Variants in UTP20 observed in about 807,000 individuals in gnomAD.
UTP20 encodes UTP20 small subunit processome component.
A neutral mutation model predicts 329.5 loss-of-function variants in UTP20; 164 were observed. That is an observed-to-expected ratio of 0.50 (90% CI 0.44 to 0.57). The LOEUF is 0.57. UTP20 is among the 20% of genes least tolerant of loss of function. The probability of loss-of-function intolerance (pLI) is 0.00; values close to 1 mark genes in which losing one functional copy is unlikely to be tolerated. For missense variants in UTP20, 3,055 were observed against 3,284.2 expected (o/e 0.93, Z 1.71); for synonymous variants, 1,151 against 1,159.3 (o/e 0.99, Z 0.14).
Position 101,333,437 on chromosome 12 carries a change from G to C in UTP20, c.3554G>C (p.Trp1185Ser), listed in dbSNP as rs746778315. 6.2e-7 allele frequency: 1 copy of C among 1,612,938 alleles called. No individual in the cohort carries two copies. Among genetic ancestry groups the C allele is most frequent in the South Asian group, 1.1e-5 (1 of 90,714 alleles). The stretch of plus-strand genomic sequence containing the variant: ...GATGCTGTGTTTCATGGTGCAGTTT[G>C]GCCCCAGGTAAACCTCAATTTCTAC... ...EIDAVFHGAV[W>S]PQISRLGSES... Residue 1185 changes from tryptophan to serine, a missense_variant, in exon 28 of 62, where the codon TGG (tryptophan) becomes TCG (serine). Trp to Ser is a radical substitution (Grantham distance 177). Around this residue, in one of 3 missense-constraint regions of UTP20, gnomAD observed 2,445 missense variants for 2,575.5 expected, o/e 0.95. Transcript: ENST00000261637.
intron 25 of UTP20, among the ~76,000 whole-genome samples, chr12:101,324,028 T>C (rs1868467775): frequency 6.6e-6 from 1 of 151,796 alleles, no homozygotes; most frequent in African/African-American, 2.4e-5. Context: ...TCCCAGCGAT[T>C]TGGGAGGCTG....
intron 9 of UTP20, 29 bp downstream of exon 9, chr12:101,291,917 G>A (rs781670650): frequency 3.1e-6 from 5 of 1,607,552 alleles, no homozygotes; most frequent in Non-Finnish European, 2.5e-6. Flanking sequence ...ATGCTCGAGA[G>A]TCTGGTTTTT....
At chr12:101,368,060 G>A (rs1870155924) in intron 48 of UTP20, 84 bp downstream of exon 48, 1 of 990,654 alleles carries the variant, frequency 1.0e-6, no homozygotes, top group African/African-American at 1.6e-5. Context: ...GGTTGTATTT[G>A]GGCTCAAGCT....
chr12:101,376,405 A>G (rs377573911), intron 56 of UTP20, among the ~76,000 whole-genome samples: 11 of 152,204 alleles, frequency 7.2e-5, no homozygotes, highest in Non-Finnish European at 1.3e-4. Context: ...TTTGAACTTC[A>G]TAACAGTATA....
chr12:101,328,894 A>T (rs1275388430), intron 26 of UTP20, among the ~76,000 whole-genome samples: 1 of 151,542 alleles, frequency 6.6e-6, no homozygotes, highest in Non-Finnish European at 1.5e-5. Context: ...AAATTACCAG[A>T]TGGAATAAGA....
chr12:101,312,014 A>G lies in UTP20; in HGVS notation c.2312-22A>G, dbSNP rs978804913. On this transcript the variant is annotated intron_variant, in intron 20 of 61. Transcript: ENST00000261637. The stretch of plus-strand genomic sequence containing the variant: ...AAATGTTGATATTTGTCTGGTGGTT[A>G]TGACAACTTTCTTTCTTGCAGAGAA... The G allele has an allele frequency of 1.9e-6, 3 of 1,613,658 alleles. No individual in the cohort carries two copies. The African/African-American group carries it at 4.0e-5, about 22-fold the overall frequency.
Position 101,290,804 on chromosome 12 carries a change from T to C in UTP20, c.807T>C (p.Ile269=). 4.3e-6 allele frequency: 7 copies of C among 1,613,990 alleles called. No homozygotes were observed. The highest frequency in any genetic ancestry group is 1.1e-5 in the South Asian group (1 of 91,048). The change falls in exon 8 of 62, where the codon ATT becomes ATC. Residue 269 remains isoleucine (I), a synonymous_variant. Transcript: ENST00000261637. Reference sequence around the variant, plus strand: ...AAACTCAACTACCATGGATGTTAATTGGAGAAACACTCAAAAACATGGTCA... The same window carrying C: ...AAACTCAACTACCATGGATGTTAATCGGAGAAACACTCAAAAACATGGTCA... ...ETETQLPWML[I]GETLKNMVKS...
intron 8 of UTP20, chr12:101,291,538 C>G: frequency 3.6e-6 from 1 of 280,404 alleles, no homozygotes; most frequent in South Asian, 1.3e-4. Flanking sequence ...GAAACTCCAT[C>G]TCAAAAAAAA....
At position 101,331,988 on chromosome 12, in the gene UTP20, G is replaced by A. The variant is rs1868775376; in HGVS notation, c.3418-1313G>A. Among the ~76,000 whole-genome samples the A allele has an allele frequency of 2.0e-5, 3 of 151,724 alleles. No homozygotes were observed. The South Asian group carries it at 6.2e-4, about 32-fold the overall frequency. ...GCTCTTCATTCTTTAATACCCAGTAGAAATCTGCCTATTCCATGAAGCTCT... is the reference window on the plus strand; with the variant it reads ...GCTCTTCATTCTTTAATACCCAGTAAAAATCTGCCTATTCCATGAAGCTCT... On this transcript the variant is annotated intron_variant, in intron 27 of 61. Coordinates refer to ENST00000261637, the MANE Select transcript of UTP20 (RefSeq NM_014503.3).
intron 29 of UTP20, among the ~76,000 whole-genome samples, chr12:101,336,562 C>A (rs985994077): frequency 2.6e-5 from 4 of 152,148 alleles, no homozygotes; most frequent in Non-Finnish European, 2.9e-5. Flanking sequence ...CTGTCCCAGA[C>A]CCCTCTCTTA....
intron 53 of UTP20, 34 bp downstream of exon 53, chr12:101,373,504 C>G (rs986751609): frequency 6.2e-7 from 1 of 1,613,990 alleles, no homozygotes; most frequent in Non-Finnish European, 8.5e-7. Flanking sequence ...CCCGTGACTC[C>G]TGGAAGTCCT....
At chr12:101,311,904 T>C (rs1437733584) in intron 20 of UTP20, 106 bp downstream of exon 20, 2 of 1,552,614 alleles carry the variant, frequency 1.3e-6, no homozygotes, top group East Asian at 2.3e-5. Flanking sequence ...ATGAAACATA[T>C]ATTATCATGA....
intron 38 of UTP20, among the ~76,000 whole-genome samples, 184 bp downstream of exon 38, chr12:101,346,772 A>T (rs1032078697): frequency 6.6e-6 from 1 of 152,176 alleles, no homozygotes; most frequent in Admixed American, 6.5e-5. Context: ...GGTGGCTATT[A>T]TTTGTGTTTT....
Position 101,291,986 on chromosome 12 carries a change from T to C in UTP20, c.1055T>C (p.Leu352Pro), listed in dbSNP as rs751829217. 2.5e-6 allele frequency: 4 copies of C among 1,613,366 alleles called. No homozygotes were observed. In the South Asian group the frequency reaches 3.3e-5, roughly 13 times the overall value. The part of the protein sequence containing the change: ...ADVCKVLSQT[L>P]QVASLSTSCW... ...TTTTTGCAGGTGTTATCTCAAACAC[T>C]GCAAGTAGCCAGTCTCTCCACATCT... Residue 352 changes from leucine (L) to proline (P), a missense_variant, in exon 10 of 62, where the codon CTG (leucine) becomes CCG (proline). Coordinates refer to ENST00000261637, the MANE Select transcript of UTP20 (RefSeq NM_014503.3).
At chr12:101,340,920 G>A in intron 32 of UTP20, among the ~76,000 whole-genome samples, 1 of 126,440 alleles carries the variant, frequency 7.9e-6, no homozygotes, top group Non-Finnish European at 1.7e-5. Flanking sequence ...TGGAACCCAA[G>A]AAGTGCATTG....
chr12:101,366,513 G>A (rs1870098652), intron 46 of UTP20, 45 bp from the exon 47 acceptor site: 2 of 1,571,456 alleles, frequency 1.3e-6, no homozygotes, highest in Non-Finnish European at 1.7e-6. Context: ...TTGGAATGCA[G>A]CTGACAGTGT....
chr12:101,324,217 C>CATTTATTTATTTATTTATTTATTTATTT (rs200869541), intron 25 of UTP20, among the ~76,000 whole-genome samples: 2 of 146,498 alleles, frequency 1.4e-5, no homozygotes, highest in East Asian at 2.0e-4. Flanking sequence ...TTGAGAGCCA[C>CATTTATTTATTTATTTATTTATTTATTT]ATTTATTTAT....
chr12:101,315,693 C>CT (rs1425080234), intron 21 of UTP20, among the ~76,000 whole-genome samples: 15 of 151,980 alleles, frequency 9.9e-5, no homozygotes, highest in Non-Finnish European at 1.5e-4. Flanking sequence ...TGATGTTTAG[C>CT]TTTTTTTGCT....
At position 101,288,883 on chromosome 12, in the gene UTP20, C is replaced by T. The variant is rs528538363; in HGVS notation, c.516-77C>T. The T allele has an allele frequency of 7.2e-5, 93 of 1,289,078 alleles. No individual in the cohort carries two copies. In the East Asian group the frequency reaches 2.2e-3, roughly 31 times the overall value. 79.9% of individuals were successfully genotyped at this position (1,289,078 alleles called of 1,614,324 possible). Reference sequence around the variant, plus strand: ...CCTTGCATACCCAGCACATTGTTGCCCATATTGTTGACATGTAGTATGTAT... The same window carrying T: ...CCTTGCATACCCAGCACATTGTTGCTCATATTGTTGACATGTAGTATGTAT... On this transcript the variant is annotated intron_variant, in intron 5 of 61. Transcript: ENST00000261637.
Sources: gnomAD v4.1 joint callset for allele counts (sites outside exome capture counted in the v4.1 genomes callset) on GRCh38, gnomAD v4.1.1 for gene constraint, gnomAD v4.1.1 regional missense constraint, MANE v1.5 for transcripts, NCBI Gene and HGNC (gene_info 2026-07-23, HGNC 2026-07-21) for gene names.